GRIK3: variants seen among roughly 807,000 people sequenced by gnomAD.
GRIK3 encodes the protein glutamate ionotropic receptor kainate type subunit 3.
Under a neutral mutation model 102.5 loss-of-function variants are expected in GRIK3, and 29 were observed. The ratio of observed to expected loss-of-function variants is 0.28; its 90% CI spans 0.21 to 0.39. The LOEUF (loss-of-function observed/expected upper bound fraction) is 0.39, where lower values mean the gene tolerates loss of function less well. GRIK3 is among the 10% of genes least tolerant of loss of function. The probability of loss-of-function intolerance (pLI) is 1.00; values close to 1 mark genes in which losing one functional copy is unlikely to be tolerated. For synonymous variants in GRIK3, 511 were observed against 504.9 expected, an observed-to-expected ratio of 1.01 and a Z score of -0.16; for missense variants, 908 against 1,252.4, an observed-to-expected ratio of 0.73 and a Z score of 4.15.
At chr1:36,809,815 G>A (rs769515384) in intron 13 of GRIK3, among the ~76,000 whole-genome samples, 3 of 152,182 alleles carry the variant, frequency 2.0e-5, no homozygotes, top group Non-Finnish European at 2.9e-5. Flanking sequence ...GAGGAAGATG[G>A]GAAAGGACAC....
chr1:37,001,636 C>A (rs1362520965), intron 1 of GRIK3, among the ~76,000 whole-genome samples: 1 of 152,192 alleles, frequency 6.6e-6, no homozygotes. Flanking sequence ...GATCCTCCTC[C>A]TTGCCAAAGT....
intron 1 of GRIK3, among the ~76,000 whole-genome samples, chr1:36,934,311 T>C (rs528450145): frequency 5.8e-4 from 88 of 152,326 alleles, no homozygotes; most frequent in African/African-American, 1.8e-3. Context: ...TACTCTCCTG[T>C]GTGCAGACTC....
chr1:36,932,843 G>A (rs116521585), intron 1 of GRIK3, among the ~76,000 whole-genome samples: 1 of 152,030 alleles, frequency 6.6e-6, no homozygotes, highest in Admixed American at 6.6e-5. Flanking sequence ...GCATCTATTT[G>A]CTTGCTGTAG....
chr1:36,870,876 G>A (rs765593248), intron 4 of GRIK3, among the ~76,000 whole-genome samples: 3 of 150,712 alleles, frequency 2.0e-5, no homozygotes, highest in South Asian at 2.1e-4. Flanking sequence ...GTAAACCAAA[G>A]CTGTGATTGT....
chr1:36,910,337 C>T lies in GRIK3; in HGVS notation c.116-19241G>A, dbSNP rs187904548. On this transcript the variant is annotated intron_variant, in intron 1 of 15. Transcript: ENST00000373091. ...AAGGTGTTGTGGAGATTAATTGAGA[C>T]GTGGATCAGCGAGATTGTTGCTAAC... Among the ~76,000 whole-genome samples, 104 of 152,334 alleles carry T rather than the reference C, an allele frequency of 6.8e-4. 2 individuals are homozygous for T. The highest frequency in any genetic ancestry group is 7.3e-5 in the Non-Finnish European group (5 of 68,030).
chr1:37,009,412 C>T (rs887431896), intron 1 of GRIK3, among the ~76,000 whole-genome samples: 8 of 152,252 alleles, frequency 5.3e-5, no homozygotes, highest in Non-Finnish European at 1.2e-4. Flanking sequence ...CACCCCCAGC[C>T]CCAGATTCTC....
intron 1 of GRIK3, among the ~76,000 whole-genome samples, chr1:36,975,287 G>GTTTTTTTTTTTTTTTTTT (rs1642183191): frequency 9.1e-6 from 1 of 110,170 alleles, no homozygotes; most frequent in African/African-American, 4.4e-5. Flanking sequence ...ATCTAAAGTT[G>GTTTTTTTTTTTTTTTTTT]GTTTTTTTTT....
intron 13 of GRIK3, among the ~76,000 whole-genome samples, chr1:36,813,451 A>T (rs747932136): frequency 2.0e-5 from 3 of 152,170 alleles, no homozygotes; most frequent in Admixed American, 6.5e-5. Context: ...TCTCATGGTC[A>T]GGGGAAGACC....
chr1:36,967,953 G>A (rs1021777661), intron 1 of GRIK3, among the ~76,000 whole-genome samples: 11 of 152,138 alleles, frequency 7.2e-5, no homozygotes, highest in African/African-American at 9.7e-5. Flanking sequence ...ACCTGGCCCC[G>A]GGTACCTGGG....
At chr1:36,937,102 T>G (rs1162927726) in intron 1 of GRIK3, among the ~76,000 whole-genome samples, 3 of 152,112 alleles carry the variant, frequency 2.0e-5, no homozygotes, top group African/African-American at 7.2e-5. Context: ...CAAATTGTAG[T>G]GTGTGACACA....
chr1:37,019,479 G>A (rs905797086), intron 1 of GRIK3, among the ~76,000 whole-genome samples: 1 of 152,178 alleles, frequency 6.6e-6, no homozygotes, highest in African/African-American at 2.4e-5. Context: ...CCAAGTGCAA[G>A]ACTCTGGTCT....
At chr1:36,961,754 G>A (rs2124349235) in intron 1 of GRIK3, among the ~76,000 whole-genome samples, 1 of 152,356 alleles carries the variant, frequency 6.6e-6, no homozygotes, top group South Asian at 2.1e-4. Context: ...AGGTTGTCCT[G>A]CTTTCATTCA....
At chr1:36,991,426 A>G (rs1642362200) in intron 1 of GRIK3, among the ~76,000 whole-genome samples, 1 of 152,208 alleles carries the variant, frequency 6.6e-6, no homozygotes, top group Non-Finnish European at 1.5e-5. Context: ...AGAGTAGGCC[A>G]ACAGCAGAGG....
intron 13 of GRIK3, among the ~76,000 whole-genome samples, chr1:36,808,319 A>T (rs994969501): frequency 1.3e-5 from 2 of 152,226 alleles, no homozygotes; most frequent in African/African-American, 4.8e-5. Context: ...CATTTCTGGT[A>T]TTCACACCTT....
At chr1:36,860,446 A>G (rs78529108) in intron 5 of GRIK3, among the ~76,000 whole-genome samples, 1 of 152,166 alleles carries the variant, frequency 6.6e-6, no homozygotes, top group Non-Finnish European at 1.5e-5. Flanking sequence ...TATCCCCTAG[A>G]AGAGGATATT....
chr1:36,935,564 G>C (rs928331820), intron 1 of GRIK3, among the ~76,000 whole-genome samples: 1 of 144,322 alleles, frequency 6.9e-6, no homozygotes, highest in African/African-American at 2.6e-5. Context: ...TCCCCACCCT[G>C]CCCCCGCACC....
intron 1 of GRIK3, among the ~76,000 whole-genome samples, chr1:36,958,117 T>C: frequency 7.3e-6 from 1 of 137,838 alleles, no homozygotes; most frequent in Non-Finnish European, 1.6e-5. Flanking sequence ...CCCGTGAGTC[T>C]GTGTCCCATG....
At position 36,860,043 on chromosome 1, in the gene GRIK3, CCAAGG is replaced by C. The variant is rs750538702; in HGVS notation, c.787-31_787-27del. On this transcript the variant is annotated intron_variant, in intron 5 of 15. Coordinates refer to ENST00000373091, the MANE Select transcript of GRIK3 (RefSeq NM_000831.4). ...CTGGATAGAGAGAGGTCTGTGTAAA[CCAAGG>C]CATGCTCACTGCTGAGAACTCCAGC... is the stretch of plus-strand genomic sequence containing the variant. 14 of 1,532,392 alleles carry C rather than the reference CCAAGG, an allele frequency of 9.1e-6. No homozygotes were observed. The Admixed American group carries it at 2.7e-4, about 30-fold the overall frequency. The allele number at this position is 1,532,392 out of a possible 1,614,324, so 94.9% of individuals were successfully genotyped here. A position where few individuals can be genotyped will look rare whatever the true frequency, so the allele number is the denominator to read the frequency against.
intron 10 of GRIK3, among the ~76,000 whole-genome samples, chr1:36,837,678 C>T (rs772450877): frequency 7.2e-5 from 11 of 152,076 alleles, no homozygotes; most frequent in African/African-American, 2.2e-4. Context: ...GTTCAGCACC[C>T]GAGACTCTTC....
Sources: gnomAD v4.1 joint callset for allele counts (sites outside exome capture counted in the v4.1 genomes callset) on GRCh38, gnomAD v4.1.1 for gene constraint, MANE v1.5 for transcripts, NCBI Gene and HGNC (gene_info 2026-07-23, HGNC 2026-07-21) for gene names.